The following DAZL variants were observed in gnomAD, a reference collection of about 807,000 sequenced individuals.
DAZL encodes the protein deleted in azoospermia like, also known as deleted in azoospermia-like.
In DAZL, 4 loss-of-function variants were observed where a neutral mutation model predicts 45.0. The observed-to-expected ratio is 0.09, with a 90% CI of 0.04 to 0.20. The LOEUF (loss-of-function observed/expected upper bound fraction) is 0.20. Among genes scored for constraint, DAZL ranks in the 10% least tolerant of loss-of-function variants. The pLI is 1.00. For synonymous variants in DAZL, 122 were observed against 112.4 expected (o/e 1.09, Z -0.54); for missense variants, 326 against 351.3 (o/e 0.93, Z 0.58).
At chr3:16,602,873 C>T (rs1168467652) in intron 1 of DAZL, among the ~76,000 whole-genome samples, 1 of 152,070 alleles carries the variant, frequency 6.6e-6, no homozygotes, top group Non-Finnish European at 1.5e-5. Flanking sequence ...GTAAGGGCAC[C>T]TCCTTATTAC....
At chr3:16,602,835 A>C (rs1466845698) in intron 1 of DAZL, among the ~76,000 whole-genome samples, 1 of 152,224 alleles carries the variant, frequency 6.6e-6, no homozygotes, top group Non-Finnish European at 1.5e-5. Flanking sequence ...GAAATACTAG[A>C]GTCATCTCCA....
chr3:16,601,090 G>C (rs1694682308), intron 1 of DAZL, among the ~76,000 whole-genome samples: 1 of 152,174 alleles, frequency 6.6e-6, no homozygotes, highest in South Asian at 2.1e-4. Context: ...AAGAATTGAG[G>C]AGGAAAATTA....
At chr3:16,603,963 T>C (rs1369126299) in intron 1 of DAZL, among the ~76,000 whole-genome samples, 3 of 152,212 alleles carry the variant, frequency 2.0e-5, no homozygotes, top group African/African-American at 7.2e-5. Flanking sequence ...GTAAATATGA[T>C]ACTTTTATAA....
In DAZL at chr3:16,598,561, G is replaced by A. The variant is rs61730117; in HGVS notation, c.41C>T (p.Ser14Phe). The A allele has an allele frequency of 3.7e-6, 6 of 1,601,400 alleles. No homozygotes were observed. Among genetic ancestry groups the A allele is most frequent in the Non-Finnish European group, 4.2e-6 (5 of 1,178,972 alleles). ...ANPETPNSTISREASTQSSSA... is the reference protein window; with the variant it reads ...ANPETPNSTIFREASTQSSSA... ...TGAGGACTGGGTGCTGGCCTCTCTG[G>A]AGATGGTTGAGTTTGGAGTTTCAGG... Residue 14 changes from serine to phenylalanine, a missense_variant, in exon 2 of 11, where the codon TCC becomes TTC. Ser to Phe is a radical substitution (Grantham distance 155). Transcript: ENST00000399444.
In DAZL at chr3:16,601,518, T is replaced by C. The variant is rs1457519802; in HGVS notation, c.4-2920A>G. Among the ~76,000 whole-genome samples, 6 of 152,178 alleles carry C rather than the reference T, an allele frequency of 3.9e-5. No individual in the cohort carries two copies. In the South Asian group the frequency reaches 6.2e-4, roughly 16 times the overall value. On this transcript the variant is annotated intron_variant, in intron 1 of 10. Transcript: ENST00000399444. ...TGATTAGCAAGGGTTGTTAAATTCC[T>C]ACTGTATTTATACATAATTATAATG...
At chr3:16,596,706 T>C in intron 6 of DAZL, 44 bp downstream of exon 6, 2 of 1,603,994 alleles carry the variant, frequency 1.2e-6, no homozygotes, top group Non-Finnish European at 1.7e-6. Context: ...GAAGGTACGA[T>C]GACTACAATA....
chr3:16,604,769 C>G, intron 1 of DAZL: 1 of 1,331,148 alleles, frequency 7.5e-7, no homozygotes, highest in Non-Finnish European at 9.6e-7. Flanking sequence ...ATGAGGCTGG[C>G]GGGGCGGAGG....
chr3:16,598,441 GA>G lies in DAZL; in HGVS notation c.150+10del. On this transcript the variant is annotated intron_variant, in intron 2 of 10. Transcript: ENST00000399444. ...GCATTTCAAGGTAAAAATGAGGTAT[GA>G]ATACAATACCCTAACATCAATTCCT... 1 of 1,605,916 alleles carries G rather than the reference GA, an allele frequency of 6.2e-7. No individual in the cohort carries two copies. Among genetic ancestry groups the G allele is most frequent in the Non-Finnish European group, 8.5e-7 (1 of 1,175,934 alleles).
intron 1 of DAZL, among the ~76,000 whole-genome samples, chr3:16,603,258 C>T (rs985160892): frequency 1.3e-5 from 2 of 152,122 alleles, no homozygotes; most frequent in Non-Finnish European, 2.9e-5. Flanking sequence ...AGGGGTAAAG[C>T]GCTTTCACCC....
chr3:16,596,181 T>C (rs979547059), intron 6 of DAZL, among the ~76,000 whole-genome samples: 14 of 152,024 alleles, frequency 9.2e-5, no homozygotes, highest in African/African-American at 3.4e-4. Context: ...TTAAATAAAA[T>C]GAACTAAGAA....
chr3:16,599,654 G>C (rs919278181), intron 1 of DAZL, among the ~76,000 whole-genome samples: 2 of 152,098 alleles, frequency 1.3e-5, no homozygotes, highest in African/African-American at 4.8e-5. Context: ...TTCAGATAAA[G>C]AAACACACAT....
At chr3:16,602,469 A>G (rs1210367428) in intron 1 of DAZL, among the ~76,000 whole-genome samples, 6 of 152,200 alleles carry the variant, frequency 3.9e-5, no homozygotes, top group Non-Finnish European at 8.8e-5. Context: ...TAAAGACAGA[A>G]AACACAGAAG....
At position 16,596,164 on chromosome 3, in the gene DAZL, T is replaced by G. The variant is rs138527567; in HGVS notation, c.498+586A>C. On this transcript the variant is annotated intron_variant, in intron 6 of 10. Transcript: ENST00000399444. ...CCAGCAAAGACAATGTCTTTTAAAC[T>G]AAATCGTTAAATAAAATGAACTAAG... 3.5e-3 allele frequency among the ~76,000 whole-genome samples: 539 copies of G among 152,176 alleles called. 3 individuals carry two copies. Among genetic ancestry groups the G allele is most frequent in the African/African-American group, 0.012 (512 of 41,562 alleles).
At chr3:16,597,592 T>C in intron 3 of DAZL, 51 bp from the exon 4 acceptor site, 1 of 1,101,704 alleles carries the variant, frequency 9.1e-7, no homozygotes, top group Non-Finnish European at 1.4e-6. Context: ...CAGTACATGG[T>C]TCAGAACTTC....
chr3:16,604,647 G>C (rs1016962936), intron 1 of DAZL: 3 of 1,371,334 alleles, frequency 2.2e-6, no homozygotes, highest in Non-Finnish European at 2.8e-6. Context: ...CAAGTACAGG[G>C]ACCAGGAGGG....
intron 7 of DAZL, 108 bp downstream of exon 7, chr3:16,595,206 G>T: frequency 3.3e-6 from 2 of 605,340 alleles, no homozygotes; most frequent in Non-Finnish European, 5.7e-6. Context: ...TAAATTTTAG[G>T]TACATTTCAC....
intron 8 of DAZL, among the ~76,000 whole-genome samples, chr3:16,594,247 C>T (rs1254226441): frequency 6.6e-6 from 1 of 152,096 alleles, no homozygotes; most frequent in Non-Finnish European, 1.5e-5. Flanking sequence ...CACATTAATA[C>T]TACCTTTCCT....
In DAZL at chr3:16,595,253, A is replaced by T; in HGVS notation, c.570+61T>A. The T allele has an allele frequency of 1.2e-5, 11 of 953,510 alleles. No homozygotes were observed. The South Asian group carries it at 1.7e-4, about 15-fold the overall frequency. 59.1% of individuals were successfully genotyped at this position (953,510 alleles called of 1,614,324 possible). A position where few individuals can be genotyped will look rare whatever the true frequency, so the allele number is the denominator to read the frequency against. ...GACAAACCATTCAGACAATTTGTAT[A>T]AACAAGTTAAAGGCCTCAATAAAAT... On this transcript the variant is annotated intron_variant, in intron 7 of 10. Transcript: ENST00000399444.
In DAZL at chr3:16,605,403, G is replaced by A. The variant is rs78431097; in HGVS notation, c.-198C>T. On this transcript the variant is annotated 5_prime_UTR_variant, in exon 1 of 11. Transcript: ENST00000399444. ...GGAGCCCCGAAAGGCGGACCGTCAG[G>A]CTGAGGAGCGCAGGCGGACTGAGGC... 56 of 677,844 alleles carry A rather than the reference G, an allele frequency of 8.3e-5. No individual in the cohort carries two copies. The highest frequency in any genetic ancestry group is 8.0e-4 in the African/African-American group (45 of 56,058). 42.0% of individuals were successfully genotyped at this position (677,844 alleles called of 1,614,324 possible). A position where few individuals can be genotyped will look rare whatever the true frequency, so the allele number is the denominator to read the frequency against.
Sources: gnomAD v4.1 joint callset for allele counts (sites outside exome capture counted in the v4.1 genomes callset) on GRCh38, gnomAD v4.1.1 for gene constraint, MANE v1.5 for transcripts, NCBI Gene and HGNC (gene_info 2026-07-23, HGNC 2026-07-21) for gene names.